The following FLT1 variants were observed in gnomAD, a reference collection of about 807,000 sequenced individuals.
FLT1 encodes the protein fms related receptor tyrosine kinase 1.
In FLT1, 49 loss-of-function variants were observed where a neutral mutation model predicts 156.3. The ratio of observed to expected loss-of-function variants is 0.31; its 90% CI spans 0.25 to 0.40. The LOEUF (loss-of-function observed/expected upper bound fraction) is 0.40. Ranked by LOEUF, FLT1 falls within the 10% of genes least tolerant of loss-of-function variation. The pLI, the probability that FLT1 is intolerant of heterozygous loss-of-function variation, is 1.00. For synonymous variants in FLT1, 594 were observed against 583.8 expected (o/e 1.02, Z -0.25); for missense variants, 1,322 against 1,637.2 (o/e 0.81, Z 3.32).
intron 28 of FLT1, among the ~76,000 whole-genome samples, chr13:28,308,183 A>G (rs1419855204): frequency 1.6e-4 from 24 of 152,206 alleles, no homozygotes; most frequent in Admixed American, 1.6e-3. Flanking sequence ...ATTTCTAGCC[A>G]GTTCCTAGGT....
chr13:28,467,160 T>C (rs1014938855), intron 2 of FLT1, 31 bp from the exon 3 acceptor site: 9 of 1,539,358 alleles, frequency 5.8e-6, no homozygotes, highest in Non-Finnish European at 8.1e-6. Context: ...ACAAAACATA[T>C]TTATGGCTGG....
intron 14 of FLT1, among the ~76,000 whole-genome samples, chr13:28,365,034 G>T (rs149901710): frequency 0.013 from 1,982 of 152,178 alleles, 55 homozygotes; most frequent in Non-Finnish European, 0.012. Flanking sequence ...TAATTTGGGG[G>T]AAATGGTCAT....
At chr13:28,489,729 G>A (rs1479684762) in intron 1 of FLT1, among the ~76,000 whole-genome samples, 2 of 152,158 alleles carry the variant, frequency 1.3e-5, no homozygotes, top group African/African-American at 4.8e-5. Flanking sequence ...TGTGTAGCTG[G>A]AACCCAGTGT....
chr13:28,305,954 AT>A (rs1290733422), intron 29 of FLT1, among the ~76,000 whole-genome samples: 2 of 152,100 alleles, frequency 1.3e-5, no homozygotes, highest in East Asian at 1.9e-4. Context: ...CCTACCCCGG[AT>A]TTAGGTGAAA....
chr13:28,338,698 C>A (rs1380744112), intron 17 of FLT1, among the ~76,000 whole-genome samples: 1 of 152,182 alleles, frequency 6.6e-6, no homozygotes, highest in Non-Finnish European at 1.5e-5. Flanking sequence ...AGAGCACCAA[C>A]TCTTTCACCG....
intron 15 of FLT1, among the ~76,000 whole-genome samples, chr13:28,354,944 T>A (rs2138869722): frequency 6.6e-6 from 1 of 152,308 alleles, no homozygotes; most frequent in South Asian, 2.1e-4. Context: ...TTATCAGTAA[T>A]GCAGTATTCT....
chr13:28,314,610 CA>C (rs1311353181), intron 25 of FLT1, among the ~76,000 whole-genome samples: 1 of 152,132 alleles, frequency 6.6e-6, no homozygotes, highest in Non-Finnish European at 1.5e-5. Context: ...CCCAAGTTCC[CA>C]AATACACACC....
intron 10 of FLT1, among the ~76,000 whole-genome samples, chr13:28,422,621 G>A (rs1877076803): frequency 6.6e-6 from 1 of 152,168 alleles, no homozygotes; most frequent in Non-Finnish European, 1.5e-5. Flanking sequence ...CCATGGAGGA[G>A]GTGATCAGAG....
Position 28,319,545 on chromosome 13 carries a change from G to C in FLT1, c.3175-11C>G, listed in dbSNP as rs748144649. 4 of 1,549,172 alleles carry C rather than the reference G, an allele frequency of 2.6e-6. No individual in the cohort carries two copies. The highest frequency in any genetic ancestry group is 3.6e-6 in the Non-Finnish European group (4 of 1,121,746). On this transcript the variant is annotated splice_polypyrimidine_tract_variant and intron_variant, in intron 23 of 29. Coordinates refer to ENST00000282397, the MANE Select transcript of FLT1 (RefSeq NM_002019.4). Reference sequence around the variant, plus strand: ...CAGAGGAAGTCGAGTCTAGAAGAGGGCAAGGGGGCCTTGAGCAGAAGGGCA... The same window carrying C: ...CAGAGGAAGTCGAGTCTAGAAGAGGCCAAGGGGGCCTTGAGCAGAAGGGCA...
chr13:28,388,499 T>C, intron 13 of FLT1: 2 of 1,038,442 alleles, frequency 1.9e-6, no homozygotes, highest in Non-Finnish European at 2.3e-6. Context: ...TAATGATCAA[T>C]CATAAATAAA....
intron 1 of FLT1, among the ~76,000 whole-genome samples, chr13:28,477,702 G>T (rs1372524260): frequency 6.6e-6 from 1 of 152,184 alleles, no homozygotes; most frequent in Non-Finnish European, 1.5e-5. Context: ...TCAGTGGCAG[G>T]ACACTTTTAC....
chr13:28,308,262 C>T (rs1870836230), intron 28 of FLT1: 1 of 171,704 alleles, frequency 5.8e-6, no homozygotes, highest in Non-Finnish European at 1.3e-5. Flanking sequence ...TGCAGTATCG[C>T]TCCTGCCCAT....
At chr13:28,472,416 A>G (rs1880228408) in intron 1 of FLT1, among the ~76,000 whole-genome samples, 1 of 152,226 alleles carries the variant, frequency 6.6e-6, no homozygotes, top group Admixed American at 6.5e-5. Context: ...TATGAACCAG[A>G]CAGCCTTGAG....
At chr13:28,472,158 A>G (rs1236582987) in intron 1 of FLT1, among the ~76,000 whole-genome samples, 1 of 152,226 alleles carries the variant, frequency 6.6e-6, no homozygotes, top group African/African-American at 2.4e-5. Flanking sequence ...CGCACATGCT[A>G]GACCTCACAT....
At chr13:28,361,501 T>G (rs1873112174) in intron 14 of FLT1, among the ~76,000 whole-genome samples, 1 of 152,080 alleles carries the variant, frequency 6.6e-6, no homozygotes, top group South Asian at 2.1e-4. Flanking sequence ...CTACAAATTC[T>G]AGTTTTGGAG....
rs1326004729 is a variant in FLT1, at chr13:28,335,210, GAAGTAAGT to G, written c.2489-1089_2489-1082del. On this transcript the variant is annotated intron_variant, in intron 17 of 29. Coordinates refer to ENST00000282397, the MANE Select transcript of FLT1 (RefSeq NM_002019.4). ...ATGATATACCCAAAGAAGAGTAAGT[GAAGTAAGT>G]CAGTCTTTTTTTGGCTTTTCTTGGG... Among the ~76,000 whole-genome samples, 265 of 152,278 alleles carry G rather than the reference GAAGTAAGT, an allele frequency of 1.7e-3. 4 individuals are homozygous for G. In the East Asian group the frequency reaches 0.037, roughly 22 times the overall value.
intron 10 of FLT1, among the ~76,000 whole-genome samples, chr13:28,414,946 T>A (rs1454158221): frequency 6.6e-6 from 1 of 152,130 alleles, no homozygotes; most frequent in African/African-American, 2.4e-5. Context: ...CATCAGCACC[T>A]CTCCATTTGC....
At chr13:28,489,254 C>T (rs982882772) in intron 1 of FLT1, among the ~76,000 whole-genome samples, 4 of 152,212 alleles carry the variant, frequency 2.6e-5, no homozygotes, top group Admixed American at 2.6e-4. Context: ...CATTACTATA[C>T]TGGAATAAAC....
At chr13:28,306,516 C>CT (rs1272272461) in intron 29 of FLT1, among the ~76,000 whole-genome samples, 162 bp downstream of exon 29, 1 of 152,124 alleles carries the variant, frequency 6.6e-6, no homozygotes, top group Non-Finnish European at 1.5e-5. Context: ...TGATGTTCCC[C>CT]TTTTTTTGCC....
Sources: gnomAD v4.1 joint callset for allele counts (sites outside exome capture counted in the v4.1 genomes callset) on GRCh38, gnomAD v4.1.1 for gene constraint, MANE v1.5 for transcripts, NCBI Gene and HGNC (gene_info 2026-07-23, HGNC 2026-07-21) for gene names.